The following TMTC2 variants were observed in gnomAD, a reference collection of about 807,000 sequenced individuals.
TMTC2 encodes the protein protein O-mannosyl-transferase TMTC2.
Under a neutral mutation model 82.4 loss-of-function variants are expected in TMTC2, and 43 were observed. That is an observed-to-expected ratio of 0.52 (90% CI 0.41 to 0.67). The LOEUF is 0.67. Ranked by LOEUF, TMTC2 falls within the 30% of genes least tolerant of loss-of-function variation. TMTC2 has a pLI of 0.00. For synonymous variants in TMTC2, 408 were observed against 381.9 expected (o/e 1.07, Z -0.80); for missense variants, 919 against 1,012.4 (o/e 0.91, Z 1.25).
chr12:82,830,269 GT>G (rs551584428), intron 1 of TMTC2, among the ~76,000 whole-genome samples: 9 of 151,786 alleles, frequency 5.9e-5, no homozygotes, highest in Admixed American at 6.6e-5. Context: ...TTGTACCTTT[GT>G]GTTTCTGCCC....
intron 11 of TMTC2, among the ~76,000 whole-genome samples, chr12:83,110,276 A>G (rs188282279): frequency 1.1e-4 from 16 of 152,336 alleles, no homozygotes; most frequent in African/African-American, 3.4e-4. Context: ...ACACTAATCC[A>G]GCAGTTACAC....
intron 7 of TMTC2, among the ~76,000 whole-genome samples, chr12:82,980,619 T>A (rs1878875390): frequency 6.6e-6 from 1 of 151,536 alleles, no homozygotes; most frequent in Non-Finnish European, 1.5e-5. Flanking sequence ...AAAAAAAAAA[T>A]TATAATTTGT....
intron 1 of TMTC2, among the ~76,000 whole-genome samples, chr12:82,715,517 C>G (rs1873857324): frequency 6.6e-6 from 1 of 152,144 alleles, no homozygotes. Context: ...GCAGAGCACA[C>G]AGTGGTTTGT....
intron 4 of TMTC2, among the ~76,000 whole-genome samples, chr12:82,946,694 G>C (rs1251964438): frequency 1.3e-5 from 2 of 151,658 alleles, no homozygotes; most frequent in Non-Finnish European, 2.9e-5. Flanking sequence ...CCTTGTTCTA[G>C]AAACCACATG....
chr12:83,096,663 A>C (rs1298363780), intron 11 of TMTC2, among the ~76,000 whole-genome samples: 1 of 152,220 alleles, frequency 6.6e-6, no homozygotes. Context: ...TCACTAGAAC[A>C]GCAGGAGAAA....
At chr12:82,945,963 A>G (rs1322499077) in intron 4 of TMTC2, among the ~76,000 whole-genome samples, 1 of 152,194 alleles carries the variant, frequency 6.6e-6, no homozygotes, top group Non-Finnish European at 1.5e-5. Context: ...TTTCTTACAT[A>G]TTATTTCTAC....
In TMTC2 at chr12:83,126,802, T is replaced by C. The variant is rs375389748; in HGVS notation, c.2332-5408T>C. Among the ~76,000 whole-genome samples the C allele has an allele frequency of 3.4e-4, 52 of 151,404 alleles. 1 individual carries two copies. The highest frequency in any genetic ancestry group is 6.8e-3 in the Middle Eastern group (2 of 292). On this transcript the variant is annotated intron_variant, in intron 11 of 11. Coordinates refer to ENST00000321196, the MANE Select transcript of TMTC2 (RefSeq NM_152588.3). Reference sequence around the variant, plus strand: ...AAAGGAATGAGGTATTTAACATTCTTTTTTTTTTCCTGAAGCTTAACAGGT... The same window carrying C: ...AAAGGAATGAGGTATTTAACATTCTCTTTTTTTTCCTGAAGCTTAACAGGT...
At chr12:83,093,057 G>A (rs1883896208) in intron 11 of TMTC2, among the ~76,000 whole-genome samples, 1 of 152,134 alleles carries the variant, frequency 6.6e-6, no homozygotes. Flanking sequence ...TGCAGGATAT[G>A]CAAATAATTC....
At chr12:82,713,946 A>T (rs1366380706) in intron 1 of TMTC2, among the ~76,000 whole-genome samples, 2 of 152,244 alleles carry the variant, frequency 1.3e-5, no homozygotes, top group Non-Finnish European at 2.9e-5. Context: ...TGCACTTGAT[A>T]GGTGCCAGCC....
At chr12:82,937,197 C>T (rs1227670551) in intron 4 of TMTC2, among the ~76,000 whole-genome samples, 1 of 152,142 alleles carries the variant, frequency 6.6e-6, no homozygotes, top group Non-Finnish European at 1.5e-5. Context: ...TTTATCATTT[C>T]ACAGATCTGA....
intron 1 of TMTC2, among the ~76,000 whole-genome samples, chr12:82,823,713 A>T (rs1306869098): frequency 6.6e-6 from 1 of 151,978 alleles, no homozygotes; most frequent in Non-Finnish European, 1.5e-5. Flanking sequence ...TTACAGAAAA[A>T]CCCCAGGTAA....
rs1356658636 is a variant in TMTC2 at position 83,133,775 on chromosome 12, C to G, written c.*1386C>G. On this transcript the variant is annotated 3_prime_UTR_variant, in exon 12 of 12. Transcript: ENST00000321196. The stretch of plus-strand genomic sequence containing the variant: ...ACTTCATAAAACACTAGTCCGTTAT[C>G]AACTTCTTCACAGAGAAAGTAGCTA... The G allele has an allele frequency of 6.6e-6, 1 of 152,174 alleles. No individual in the cohort carries two copies. Among genetic ancestry groups the G allele is most frequent in the African/African-American group, 2.4e-5 (1 of 41,438 alleles). 9.4% of individuals were successfully genotyped at this position (152,174 alleles called of 1,614,324 possible). A position where few individuals can be genotyped will look rare whatever the true frequency, so the allele number is the denominator to read the frequency against.
intron 2 of TMTC2, among the ~76,000 whole-genome samples, chr12:82,867,588 T>A (rs531911976): frequency 1.2e-4 from 18 of 152,346 alleles, no homozygotes; most frequent in African/African-American, 4.1e-4. Context: ...GAGACCTTGA[T>A]TATATGCAAT....
intron 2 of TMTC2, among the ~76,000 whole-genome samples, chr12:82,891,523 G>A (rs1182686066): frequency 2.6e-5 from 4 of 152,006 alleles, no homozygotes; most frequent in Non-Finnish European, 5.9e-5. Context: ...GGTCAGGCTG[G>A]TCCAGAGCTC....
chr12:82,845,180 G>T (rs1408893821), intron 1 of TMTC2, among the ~76,000 whole-genome samples: 4 of 127,226 alleles, frequency 3.1e-5, no homozygotes, highest in African/African-American at 1.2e-4. Context: ...AGTGAGCCGA[G>T]ATCGTGCCAC....
At chr12:83,001,899 G>GA (rs900908102) in intron 8 of TMTC2, among the ~76,000 whole-genome samples, 7 of 151,750 alleles carry the variant, frequency 4.6e-5, no homozygotes, top group Non-Finnish European at 8.8e-5. Flanking sequence ...GATTAACAAA[G>GA]AAAAAAAAGA....
chr12:82,912,707 A>G (rs1411332561), intron 3 of TMTC2, among the ~76,000 whole-genome samples: 2 of 152,060 alleles, frequency 1.3e-5, no homozygotes, highest in Non-Finnish European at 2.9e-5. Context: ...GGAGGCAGAG[A>G]TGGGTGGATC....
At chr12:82,915,195 C>T (rs1874933082) in intron 3 of TMTC2, among the ~76,000 whole-genome samples, 1 of 152,092 alleles carries the variant, frequency 6.6e-6, no homozygotes. Context: ...AGATTCCAAA[C>T]TTTGCAGTAA....
In TMTC2 at chr12:83,030,923, A is replaced by G. The variant is rs897331711; in HGVS notation, c.2152+44A>G. 2.2e-6 allele frequency: 3 copies of G among 1,377,848 alleles called. No homozygotes were observed. In the African/African-American group the frequency reaches 4.3e-5, roughly 20 times the overall value. 85.4% of individuals were successfully genotyped at this position (1,377,848 alleles called of 1,614,324 possible). ...TTTTTCCATGTCCCCCACATTTACT[A>G]TTAATGTTGATATGAGATCTAGGCT... is the stretch of plus-strand genomic sequence containing the variant. On this transcript the variant is annotated intron_variant, in intron 9 of 11. Coordinates refer to ENST00000321196, the MANE Select transcript of TMTC2 (RefSeq NM_152588.3).
Sources: allele counts gnomAD v4.1 joint callset (sites outside exome capture counted in the v4.1 genomes callset), GRCh38; gene constraint gnomAD v4.1.1; transcripts MANE v1.5; gene names NCBI Gene and HGNC (gene_info 2026-07-23, HGNC 2026-07-21).